Variants in CTNNA3 observed in about 807,000 individuals in gnomAD.
CTNNA3 encodes catenin alpha 3, also known as catenin alpha-3.
In CTNNA3, 76 loss-of-function variants were observed where a neutral mutation model predicts 95.7. The ratio of observed to expected loss-of-function variants is 0.79; its 90% CI spans 0.66 to 0.96. The LOEUF is 0.96. Ranked by LOEUF, CTNNA3 falls within the 40% of genes least tolerant of loss-of-function variation. The pLI is 0.00. For synonymous variants in CTNNA3, 431 were observed against 374.4 expected, an observed-to-expected ratio of 1.15 and a Z score of -1.74; for missense variants, 1,191 against 1,089.8, an observed-to-expected ratio of 1.09 and a Z score of -1.31.
chr10:66,532,239 G>A (rs1386314039), intron 10 of CTNNA3, among the ~76,000 whole-genome samples: 3 of 152,080 alleles, frequency 2.0e-5, no homozygotes, highest in Non-Finnish European at 4.4e-5. Context: ...GAGGGAGGTG[G>A]ATCACAAGGT....
At chr10:66,881,415 G>A in intron 7 of CTNNA3, among the ~76,000 whole-genome samples, 1 of 152,100 alleles carries the variant, frequency 6.6e-6, no homozygotes, top group East Asian at 1.9e-4. Context: ...AATACCCTGT[G>A]TGCTGGATTA....
chr10:66,618,414 A>G (rs1349662660), intron 10 of CTNNA3, among the ~76,000 whole-genome samples: 1 of 152,132 alleles, frequency 6.6e-6, no homozygotes, highest in Non-Finnish European at 1.5e-5. Context: ...CTGCATATCT[A>G]TAACTATCTG....
chr10:66,655,308 CT>C (rs1479744608), intron 9 of CTNNA3, among the ~76,000 whole-genome samples: 1 of 151,898 alleles, frequency 6.6e-6, no homozygotes, highest in Non-Finnish European at 1.5e-5. Flanking sequence ...TTTCATGTTT[CT>C]TTTTTGAAAA....
intron 5 of CTNNA3, among the ~76,000 whole-genome samples, chr10:67,448,495 G>A (rs1846839793): frequency 6.6e-6 from 1 of 151,922 alleles, no homozygotes; most frequent in African/African-American, 2.4e-5. Context: ...AGGATAGCTA[G>A]CCTAAAATAG....
At chr10:66,207,014 G>A (rs2087802275) in intron 13 of CTNNA3, among the ~76,000 whole-genome samples, 1 of 151,998 alleles carries the variant, frequency 6.6e-6, no homozygotes, top group East Asian at 1.9e-4. Flanking sequence ...GGATGTGCAT[G>A]TATATTCAGT....
chr10:66,970,187 AACTAG>A (rs1005333989), intron 7 of CTNNA3, among the ~76,000 whole-genome samples: 4 of 152,162 alleles, frequency 2.6e-5, no homozygotes, highest in African/African-American at 9.7e-5. Flanking sequence ...AGAAGCTCTA[AACTAG>A]AGCAAGGTCA....
In CTNNA3 at chr10:66,035,026, G is replaced by C. The variant is rs539469495; in HGVS notation, c.2159+34282C>G. 8.5e-5 allele frequency among the ~76,000 whole-genome samples: 13 copies of C among 152,268 alleles called. No homozygotes were observed. The South Asian group carries it at 2.5e-3, about 29-fold the overall frequency. ...ATACTCCACATTTGACCAGCGTGCAGTGTTTGGGGCATTCATTTTTATGTT... is the reference window on the plus strand; with the variant it reads ...ATACTCCACATTTGACCAGCGTGCACTGTTTGGGGCATTCATTTTTATGTT... On this transcript the variant is annotated intron_variant, in intron 15 of 17. Transcript: ENST00000433211.
intron 12 of CTNNA3, among the ~76,000 whole-genome samples, chr10:66,281,679 T>C (rs1043598508): frequency 2.6e-5 from 4 of 151,926 alleles, no homozygotes; most frequent in Non-Finnish European, 5.9e-5. Flanking sequence ...TTTTGACTGG[T>C]ATAAAAATAT....
chr10:67,213,398 C>T (rs1864222229), intron 6 of CTNNA3, among the ~76,000 whole-genome samples: 1 of 151,618 alleles, frequency 6.6e-6, no homozygotes, highest in Non-Finnish European at 1.5e-5. Flanking sequence ...ACAAATAATA[C>T]ACTTTTGGCT....
chr10:67,031,270 G>A (rs1853710198), intron 7 of CTNNA3, among the ~76,000 whole-genome samples: 2 of 152,048 alleles, frequency 1.3e-5, no homozygotes, highest in Non-Finnish European at 2.9e-5. Context: ...AACATCAAAT[G>A]AGGTAGAAAT....
intron 16 of CTNNA3, among the ~76,000 whole-genome samples, chr10:65,986,970 T>C (rs997056525): frequency 2.0e-5 from 3 of 151,734 alleles, no homozygotes; most frequent in Non-Finnish European, 2.9e-5. Flanking sequence ...AAAAGGATAG[T>C]CAATAAACAG....
At chr10:67,101,060 C>T (rs1811017884) in intron 7 of CTNNA3, among the ~76,000 whole-genome samples, 1 of 151,738 alleles carries the variant, frequency 6.6e-6, no homozygotes, top group Non-Finnish European at 1.5e-5. Context: ...CTGTGTTCTA[C>T]TCTGGGCTCT....
intron 7 of CTNNA3, among the ~76,000 whole-genome samples, chr10:66,881,494 G>A (rs1197764551): frequency 6.6e-6 from 1 of 152,026 alleles, no homozygotes; most frequent in East Asian, 1.9e-4. Context: ...GATCAATTGA[G>A]GACTCACACC....
intron 7 of CTNNA3, among the ~76,000 whole-genome samples, chr10:66,937,778 G>T (rs1403450502): frequency 6.6e-6 from 1 of 152,100 alleles, no homozygotes; most frequent in Non-Finnish European, 1.5e-5. Context: ...TCCTTTGTGA[G>T]AAATGCCCTT....
intron 5 of CTNNA3, among the ~76,000 whole-genome samples, chr10:67,456,730 G>A (rs1214666888): frequency 2.0e-5 from 3 of 152,124 alleles, no homozygotes; most frequent in African/African-American, 4.8e-5. Flanking sequence ...TTAAACTGCT[G>A]TCATATCTGT....
chr10:66,472,038 T>C (rs554371883), intron 11 of CTNNA3, among the ~76,000 whole-genome samples: 1 of 151,988 alleles, frequency 6.6e-6, no homozygotes, highest in South Asian at 2.1e-4. Flanking sequence ...AAACAGCAGA[T>C]TGTTTTGTAT....
At chr10:67,655,910 A>G (rs1840011551) in intron 1 of CTNNA3, among the ~76,000 whole-genome samples, 1 of 152,186 alleles carries the variant, frequency 6.6e-6, no homozygotes, top group Non-Finnish European at 1.5e-5. Context: ...GATTGAAACC[A>G]GATGTTAACT....
intron 1 of CTNNA3, among the ~76,000 whole-genome samples, chr10:67,740,046 G>C (rs544116592): frequency 1.3e-5 from 2 of 152,110 alleles, no homozygotes; most frequent in South Asian, 2.1e-4. Context: ...TGAGAAAAAT[G>C]AGAAATGGGG....
intron 17 of CTNNA3, among the ~76,000 whole-genome samples, chr10:65,924,881 AGAGT>A (rs2077142884): frequency 6.6e-6 from 1 of 152,198 alleles, no homozygotes; most frequent in South Asian, 2.1e-4. Flanking sequence ...GGCAGGCAAG[AGAGT>A]GTGTGCAGAG....
Sources: gnomAD v4.1 joint callset for allele counts (sites outside exome capture counted in the v4.1 genomes callset) on GRCh38, gnomAD v4.1.1 for gene constraint, MANE v1.5 for transcripts, NCBI Gene and HGNC (gene_info 2026-07-23, HGNC 2026-07-21) for gene names.